TMOD3: variants seen among roughly 807,000 people sequenced by gnomAD.
The protein encoded by TMOD3 is tropomodulin 3.
TMOD3 carries 20 observed loss-of-function variants against 39.2 expected under a neutral mutation model. The observed-to-expected ratio is 0.51, with a 90% CI of 0.36 to 0.74. TMOD3 has a LOEUF of 0.74. Ranked by LOEUF, TMOD3 falls within the 30% of genes least tolerant of loss-of-function variation. The pLI is 0.00. For missense variants in TMOD3, 381 were observed against 412.8 expected (o/e 0.92, Z 0.67); for synonymous variants, 143 against 145.8 (o/e 0.98, Z 0.14).
chr15:51,906,015 G>A (rs2056678778), intron 9 of TMOD3, among the ~76,000 whole-genome samples: 1 of 147,584 alleles, frequency 6.8e-6, no homozygotes, highest in South Asian at 2.1e-4. Flanking sequence ...TGTTAATAGG[G>A]CAAAATTTAT....
intron 1 of TMOD3, among the ~76,000 whole-genome samples, chr15:51,862,545 A>G (rs2056424399): frequency 6.6e-6 from 1 of 152,184 alleles, no homozygotes; most frequent in Non-Finnish European, 1.5e-5. Context: ...CTAAAATTTA[A>G]TTATTAGAAA....
intron 1 of TMOD3, chr15:51,859,921 T>C (rs1338370442): frequency 1.8e-5 from 10 of 543,584 alleles, no homozygotes; most frequent in Admixed American, 3.9e-5. Context: ...CAGTCATGGT[T>C]CTTTCCAACC....
chr15:51,893,584 T>C (rs1444324570), intron 5 of TMOD3, among the ~76,000 whole-genome samples: 1 of 151,918 alleles, frequency 6.6e-6, no homozygotes, highest in Non-Finnish European at 1.5e-5. Flanking sequence ...GCTAACATGG[T>C]GAAACCCCGT....
intron 3 of TMOD3, 109 bp from the exon 4 acceptor site, chr15:51,887,480 T>C: frequency 8.8e-7 from 1 of 1,142,100 alleles, no homozygotes; most frequent in Non-Finnish European, 1.2e-6. Flanking sequence ...TTACTGTCGA[T>C]GTTAATCTTT....
At chr15:51,898,249 TTTGTTCC>T (rs1453456310) in intron 7 of TMOD3, among the ~76,000 whole-genome samples, 2 of 152,346 alleles carry the variant, frequency 1.3e-5, no homozygotes, top group African/African-American at 4.8e-5. Context: ...GGCCTGTACA[TTTGTTCC>T]TTCTGCCTTG....
chr15:51,876,492 C>T (rs558442131), intron 3 of TMOD3, among the ~76,000 whole-genome samples: 69 of 148,444 alleles, frequency 4.6e-4, no homozygotes, highest in African/African-American at 1.7e-3. Context: ...GATGGAGTCT[C>T]GCTCTGTTTC....
At chr15:51,854,629 G>C (rs1035551473) in intron 1 of TMOD3, among the ~76,000 whole-genome samples, 28 of 152,160 alleles carry the variant, frequency 1.8e-4, no homozygotes, top group Non-Finnish European at 1.2e-4. Flanking sequence ...GAACAGAGTA[G>C]AACATTGGCT....
At chr15:51,856,134 A>C (rs2056386638) in intron 1 of TMOD3, among the ~76,000 whole-genome samples, 1 of 152,184 alleles carries the variant, frequency 6.6e-6, no homozygotes, top group African/African-American at 2.4e-5. Flanking sequence ...GTGGTGGCAC[A>C]TGCCTGCATT....
intron 2 of TMOD3, among the ~76,000 whole-genome samples, chr15:51,864,283 A>AAC (rs56727726): frequency 6.6e-6 from 1 of 150,862 alleles, no homozygotes; most frequent in Admixed American, 6.6e-5. Flanking sequence ...AAAAAAAAAA[A>AAC]CTGGAAAAAG....
chr15:51,877,901 T>C (rs1462335617), intron 3 of TMOD3, among the ~76,000 whole-genome samples: 1 of 152,170 alleles, frequency 6.6e-6, no homozygotes, highest in Non-Finnish European at 1.5e-5. Flanking sequence ...AGTTTTTTTT[T>C]TTCCCTTGGC....
chr15:51,902,153 A>C, intron 9 of TMOD3, 117 bp downstream of exon 9: 2 of 1,221,282 alleles, frequency 1.6e-6, no homozygotes, highest in Non-Finnish European at 2.3e-6. Flanking sequence ...TTTGTTTCTA[A>C]AATCTGCATG....
chr15:51,911,546 G>A lies in TMOD3; in HGVS notation c.*2736G>A, dbSNP rs915970716. ...AAAATTTTATAATAAATAGATTAGG[G>A]TTTTGCAATAGTCTTAATTTTTAAG... is the stretch of plus-strand genomic sequence containing the variant. On this transcript the variant is annotated 3_prime_UTR_variant, in exon 10 of 10. Transcript: ENST00000308580. The A allele has an allele frequency of 6.6e-6, 1 of 152,060 alleles. No individual in the cohort carries two copies. Among genetic ancestry groups the A allele is most frequent in the Admixed American group, 6.6e-5 (1 of 15,252 alleles). The allele number at this position is 152,060 out of a possible 1,614,324, so 9.4% of individuals were successfully genotyped here. A position where few individuals can be genotyped will look rare whatever the true frequency, so the allele number is the denominator to read the frequency against.
chr15:51,853,849 C>G (rs1003973936), intron 1 of TMOD3, among the ~76,000 whole-genome samples: 1 of 150,926 alleles, frequency 6.6e-6, no homozygotes, highest in African/African-American at 2.4e-5. Context: ...TTAATTTTGC[C>G]TGGGTGTGAG....
chr15:51,845,862 T>G (rs899104505), intron 1 of TMOD3, among the ~76,000 whole-genome samples: 1 of 152,152 alleles, frequency 6.6e-6, no homozygotes, highest in African/African-American at 2.4e-5. Flanking sequence ...GTTATAGAGC[T>G]TGGAGAAGGA....
chr15:51,856,775 T>C (rs1470274126), intron 1 of TMOD3, among the ~76,000 whole-genome samples: 1 of 152,056 alleles, frequency 6.6e-6, no homozygotes, highest in East Asian at 1.9e-4. Flanking sequence ...ATACCAACAA[T>C]GAGCAAGGAT....
At chr15:51,889,944 G>A (rs1248223134) in intron 5 of TMOD3, among the ~76,000 whole-genome samples, 1 of 152,080 alleles carries the variant, frequency 6.6e-6, no homozygotes, top group Non-Finnish European at 1.5e-5. Flanking sequence ...CAGTACATAA[G>A]TATTTATGGG....
intron 1 of TMOD3, among the ~76,000 whole-genome samples, chr15:51,837,418 A>G (rs1471310785): frequency 6.6e-6 from 1 of 151,090 alleles, no homozygotes; most frequent in Non-Finnish European, 1.5e-5. Flanking sequence ...CTCTTAGGGA[A>G]CTATTCTTTT....
At chr15:51,878,046 C>T (rs996010613) in intron 3 of TMOD3, among the ~76,000 whole-genome samples, 5 of 152,224 alleles carry the variant, frequency 3.3e-5, no homozygotes, top group Non-Finnish European at 5.9e-5. Flanking sequence ...ACACTGGCTG[C>T]CTTGGTTTTT....
At chr15:51,876,464 C>CT (rs35777134) in intron 3 of TMOD3, among the ~76,000 whole-genome samples, 2,969 of 136,692 alleles carry the variant, frequency 0.022, 69 homozygotes, top group Middle Eastern at 0.062. Flanking sequence ...GCACCCAGCG[C>CT]TTTTTTTTTT....
Sources: allele counts gnomAD v4.1 joint callset (sites outside exome capture counted in the v4.1 genomes callset), GRCh38; gene constraint gnomAD v4.1.1; transcripts MANE v1.5; gene names NCBI Gene and HGNC (gene_info 2026-07-23, HGNC 2026-07-21).